Variants in TMEM132D observed in about 807,000 individuals in gnomAD.
TMEM132D encodes the protein transmembrane protein 132D.
In TMEM132D, 21 loss-of-function variants were observed where a neutral mutation model predicts 62.3. That is an observed-to-expected ratio of 0.34 (90% CI 0.24 to 0.49). The LOEUF (loss-of-function observed/expected upper bound fraction) is 0.49. TMEM132D is among the 20% of genes least tolerant of loss of function. The pLI is 0.99. For missense variants in TMEM132D, 1,346 were observed against 1,402.8 expected (o/e 0.96, Z 0.65); for synonymous variants, 621 against 575.6 (o/e 1.08, Z -1.13).
intron 2 of TMEM132D, among the ~76,000 whole-genome samples, chr12:129,538,108 C>T (rs564541559): frequency 5.8e-4 from 89 of 152,276 alleles, no homozygotes; most frequent in African/African-American, 2.0e-3. Flanking sequence ...CTGAGATTTA[C>T]GTGAGCTGTA....
intron 3 of TMEM132D, among the ~76,000 whole-genome samples, chr12:129,365,174 G>A (rs1053565636): frequency 1.2e-4 from 18 of 152,044 alleles, no homozygotes; most frequent in Non-Finnish European, 2.1e-4. Flanking sequence ...GTTTGGGGAC[G>A]CAAGCTCACT....
intron 1 of TMEM132D, among the ~76,000 whole-genome samples, chr12:129,793,959 A>G (rs558481996): frequency 2.0e-5 from 3 of 152,236 alleles, no homozygotes; most frequent in Non-Finnish European, 4.4e-5. Flanking sequence ...AGATGTTTAA[A>G]AGGTGTTATT....
At chr12:129,892,041 G>T (rs1874940083) in intron 1 of TMEM132D, among the ~76,000 whole-genome samples, 1 of 152,158 alleles carries the variant, frequency 6.6e-6, no homozygotes, top group Non-Finnish European at 1.5e-5. Flanking sequence ...CAAGAAAACA[G>T]ACAGAACAAG....
intron 3 of TMEM132D, among the ~76,000 whole-genome samples, chr12:129,473,324 G>GTTTTTTTTTTTTTTTTTTT (rs751523415): frequency 3.7e-5 from 3 of 81,554 alleles, no homozygotes; most frequent in Non-Finnish European, 6.5e-5. Context: ...TTTAGTTTTT[G>GTTTTTTTTTTTTTTTTTTT]TTTTTTTTTT....
At chr12:129,407,949 T>G (rs13378093) in intron 3 of TMEM132D, among the ~76,000 whole-genome samples, 7,173 of 151,624 alleles carry the variant, frequency 0.047, 267 homozygotes, top group African/African-American at 0.097. Context: ...GTGGTTTCCA[T>G]ACTGGAAAAG....
chr12:129,076,706 G>C (rs750480775), intron 8 of TMEM132D, among the ~76,000 whole-genome samples: 2 of 152,230 alleles, frequency 1.3e-5, no homozygotes, highest in Non-Finnish European at 2.9e-5. Context: ...CGGAGTTCTT[G>C]AAACTACCAC....
At chr12:129,548,826 T>G (rs760195481) in intron 2 of TMEM132D, among the ~76,000 whole-genome samples, 71 of 152,238 alleles carry the variant, frequency 4.7e-4, no homozygotes, top group Non-Finnish European at 3.2e-4. Flanking sequence ...AAAGCACATT[T>G]AAGTATTTCA....
chr12:129,145,434 G>A (rs796222338), intron 5 of TMEM132D, among the ~76,000 whole-genome samples: 5 of 152,142 alleles, frequency 3.3e-5, no homozygotes, highest in Non-Finnish European at 7.3e-5. Flanking sequence ...ATGGGCAGGT[G>A]CATTTGCTAG....
At chr12:129,817,580 T>C (rs1872383840) in intron 1 of TMEM132D, among the ~76,000 whole-genome samples, 1 of 120,314 alleles carries the variant, frequency 8.3e-6, no homozygotes, top group Non-Finnish European at 1.8e-5. Flanking sequence ...AATCACATCA[T>C]AAAGATAAGA....
At chr12:129,344,174 C>T (rs758841930) in intron 3 of TMEM132D, among the ~76,000 whole-genome samples, 1 of 152,116 alleles carries the variant, frequency 6.6e-6, no homozygotes, top group Non-Finnish European at 1.5e-5. Flanking sequence ...ACTGTGGACT[C>T]GCCCTGAATT....
chr12:129,845,139 G>A (rs1433217648), intron 1 of TMEM132D, among the ~76,000 whole-genome samples: 2 of 152,092 alleles, frequency 1.3e-5, no homozygotes, highest in South Asian at 2.1e-4. Flanking sequence ...AAAAACATAC[G>A]TACTCAAGGG....
chr12:129,449,093 A>G (rs1484329329), intron 3 of TMEM132D, among the ~76,000 whole-genome samples: 1 of 152,208 alleles, frequency 6.6e-6, no homozygotes, highest in East Asian at 1.9e-4. Context: ...TCTTCCGGAT[A>G]AAGTGAGATT....
At chr12:129,514,851 G>T (rs1258871821) in intron 3 of TMEM132D, among the ~76,000 whole-genome samples, 6 of 152,146 alleles carry the variant, frequency 3.9e-5, no homozygotes, top group African/African-American at 1.4e-4. Flanking sequence ...CCCTGAAATT[G>T]CAGCACTGTT....
intron 6 of TMEM132D, among the ~76,000 whole-genome samples, chr12:129,082,547 G>A (rs986747679): frequency 6.6e-6 from 1 of 152,076 alleles, no homozygotes; most frequent in African/African-American, 2.4e-5. Context: ...GCACCAGTGA[G>A]GAACTGAGAC....
In TMEM132D at chr12:129,513,804, TTTTATTTA is replaced by T. The variant is rs201593908; in HGVS notation, c.1115+17247_1115+17254del. On this transcript the variant is annotated intron_variant, in intron 3 of 8. Coordinates refer to ENST00000422113, the MANE Select transcript of TMEM132D (RefSeq NM_133448.3). ...CCGGCCAATGGGGACCAATTTTTAT[TTTTATTTA>T]TTTATTTATTTATTTATTTATTTAT... 6.2e-3 allele frequency among the ~76,000 whole-genome samples: 837 copies of T among 134,044 alleles called. 10 individuals carry two copies. Among genetic ancestry groups the T allele is most frequent in the African/African-American group, 0.016 (565 of 36,232 alleles). 87.9% of individuals were successfully genotyped at this position (134,044 alleles called of 152,430 possible).
chr12:129,900,547 A>G (rs937278749), intron 1 of TMEM132D, among the ~76,000 whole-genome samples: 1 of 152,234 alleles, frequency 6.6e-6, no homozygotes, highest in African/African-American at 2.4e-5. Flanking sequence ...GCAAGGGAAC[A>G]TAACTGGGAA....
intron 3 of TMEM132D, among the ~76,000 whole-genome samples, chr12:129,436,188 C>G (rs1221152294): frequency 6.6e-6 from 1 of 152,112 alleles, no homozygotes; most frequent in Non-Finnish European, 1.5e-5. Flanking sequence ...AATCTGGTAT[C>G]CTGATGATTT....
intron 2 of TMEM132D, among the ~76,000 whole-genome samples, chr12:129,623,088 T>C (rs567695096): frequency 6.6e-6 from 1 of 152,120 alleles, no homozygotes; most frequent in South Asian, 2.1e-4. Context: ...GAGACTGAGA[T>C]TTCTAAGGAT....
intron 4 of TMEM132D, among the ~76,000 whole-genome samples, chr12:129,227,722 A>G (rs960720417): frequency 3.3e-5 from 5 of 152,058 alleles, no homozygotes; most frequent in Middle Eastern, 3.4e-3. Flanking sequence ...TACATTAGGT[A>G]TATCTCCTAA....
Sources: allele counts gnomAD v4.1 joint callset (sites outside exome capture counted in the v4.1 genomes callset), GRCh38; gene constraint gnomAD v4.1.1; transcripts MANE v1.5; gene names NCBI Gene and HGNC (gene_info 2026-07-23, HGNC 2026-07-21).